INO80E: variants seen among roughly 807,000 people sequenced by gnomAD.
INO80E encodes INO80 complex subunit E.
INO80E carries 20 observed loss-of-function variants against 27.3 expected under a neutral mutation model. The observed-to-expected ratio is 0.73, with a 90% CI of 0.51 to 1.06. The LOEUF is 1.06. Ranked by LOEUF, INO80E falls within the 50% of genes least tolerant of loss-of-function variation. The pLI, the probability that INO80E is intolerant of heterozygous loss-of-function variation, is 0.00. For synonymous variants in INO80E, 167 were observed against 145.9 expected (o/e 1.14, Z -1.04); for missense variants, 357 against 322.8 (o/e 1.11, Z -0.81).
At chr16:30,001,312 C>G in intron 5 of INO80E, 102 bp from the exon 6 acceptor site, 1 of 1,504,448 alleles carries the variant, frequency 6.6e-7, no homozygotes, top group Non-Finnish European at 8.9e-7. Flanking sequence ...GCACTCATCA[C>G]CATCTCTTTT....
chr16:29,996,245 G>A lies in INO80E; in HGVS notation c.-66G>A, dbSNP rs538507892. On this transcript the variant is annotated 5_prime_UTR_variant, in exon 1 of 7. Coordinates refer to ENST00000563197, the MANE Select transcript of INO80E (RefSeq NM_173618.3). ...AGCGTCTCCGGAAGTGGAGGCGGGA[G>A]CGGCACGGCAGCCACTGCTTGGGGT... 4,291 of 1,461,264 alleles carry A rather than the reference G, an allele frequency of 2.9e-3. 13 individuals are homozygous for A. The highest frequency in any genetic ancestry group is 3.8e-3 in the Non-Finnish European group (4,068 of 1,066,994). 90.5% of individuals were successfully genotyped at this position (1,461,264 alleles called of 1,614,324 possible).
Position 30,005,414 on chromosome 16 carries a change from A to G in INO80E, c.707A>G (p.Asp236Gly). Residue 236 changes from aspartate to glycine, a missense_variant, in exon 7 of 7, where the codon GAT (aspartate) becomes GGT (glycine). By Grantham distance (94) the Asp-to-Gly change is moderately conservative (BLOSUM62 -1). Coordinates refer to ENST00000563197, the MANE Select transcript of INO80E (RefSeq NM_173618.3). ...GSGDDALDGD[D>G]DLVIDIPE ...GGGGACGATGCCTTGGATGGAGACG[A>G]TGACCTGGTGATCGACATCCCGGAG... is the stretch of plus-strand genomic sequence containing the variant. The G allele has an allele frequency of 6.2e-7, 1 of 1,602,680 alleles. No individual in the cohort carries two copies. The highest frequency in any genetic ancestry group is 8.5e-7 in the Non-Finnish European group (1 of 1,175,170).
Position 30,005,330 on chromosome 16 carries a change from TG to T in INO80E, c.624del (p.Met208IlefsTer7), listed in dbSNP as rs2070533374. ...CTGACCCCCCTCCCACCCCCTAAGA[TG>T]CCCCCCCCCACGATCCTGAGCACGG... The part of the protein sequence containing the change: ...TTLTPLPPPK[M>X]PPPTILSTVP... On this transcript the variant is annotated frameshift_variant, in exon 7 of 7. Transcript: ENST00000563197. LOFTEE classifies it high-confidence loss of function. 2.1e-5 allele frequency: 8 copies of T among 386,200 alleles called. No individual in the cohort carries two copies. The highest frequency in any genetic ancestry group is 7.9e-5 in the South Asian group (1 of 12,678). The allele number at this position is 386,200 out of a possible 1,614,324, so 23.9% of individuals were successfully genotyped here. A position where few individuals can be genotyped will look rare whatever the true frequency, so the allele number is the denominator to read the frequency against.
chr16:29,997,419 A>T (rs548455077), intron 3 of INO80E, among the ~76,000 whole-genome samples: 1 of 150,186 alleles, frequency 6.7e-6, no homozygotes, highest in East Asian at 1.9e-4. Flanking sequence ...CATATGAAAA[A>T]TTTTTCTTTA....
chr16:30,004,407 T>A (rs1256747296), intron 6 of INO80E: 1 of 152,830 alleles, frequency 6.5e-6, no homozygotes, highest in Non-Finnish European at 1.5e-5. Context: ...GCTGAAGGGT[T>A]GAGCAGGGCA....
Position 30,001,036 on chromosome 16 carries a change from G to A in INO80E, c.392G>A (p.Ser131Asn), listed in dbSNP as rs1400971621. 6.5e-7 allele frequency: 1 copy of A among 1,542,868 alleles called. No homozygotes were observed. Among genetic ancestry groups the A allele is most frequent in the East Asian group, 2.3e-5 (1 of 44,168 alleles). Residue 131 changes from serine (S) to asparagine (N), a missense_variant, in exon 5 of 7, where the codon AGC (serine) becomes AAC (asparagine). Transcript: ENST00000563197. ...QASGVPSPYL[S>N]SLASSRYPPF... Reference sequence around the variant, plus strand: ...TCCGGGGTCCCCTCCCCATACCTGAGCTCGGTGAGTTGGGGTCAGGGATGG... The same window carrying A: ...TCCGGGGTCCCCTCCCCATACCTGAACTCGGTGAGTTGGGGTCAGGGATGG...
At chr16:30,000,680 G>A (rs1024542411) in intron 3 of INO80E, 78 bp from the exon 4 acceptor site, 2 of 1,188,806 alleles carry the variant, frequency 1.7e-6, no homozygotes, top group Non-Finnish European at 2.5e-6. Context: ...GTGCCCTTCT[G>A]TAGTGTAGAG....
rs2070557273 is a variant in INO80E, at chr16:30,005,712, A to G, written c.*270A>G. 17 of 525,924 alleles carry G rather than the reference A, an allele frequency of 3.2e-5. No individual in the cohort carries two copies. In the South Asian group the frequency reaches 3.9e-4, roughly 12 times the overall value. The allele number at this position is 525,924 out of a possible 1,614,324, so 32.6% of individuals were successfully genotyped here. The stretch of plus-strand genomic sequence containing the variant: ...CTGCTGGGGAGGCAGAGACCCTGCA[A>G]TGGCCACCTCTTTAAAAGGGCAGCT... On this transcript the variant is annotated 3_prime_UTR_variant, in exon 7 of 7. Transcript: ENST00000563197.
At chr16:29,999,787 G>C (rs964921442) in intron 3 of INO80E, among the ~76,000 whole-genome samples, 1 of 152,236 alleles carries the variant, frequency 6.6e-6, no homozygotes, top group South Asian at 2.1e-4. Context: ...CAGGTAGTGG[G>C]TGATGTCATC....
chr16:30,000,828 C>T lies in INO80E; in HGVS notation c.276C>T (p.Ala92=), dbSNP rs1567268652. 1 of 1,614,102 alleles carries T rather than the reference C, an allele frequency of 6.2e-7. No homozygotes were observed. Among genetic ancestry groups the T allele is most frequent in the African/African-American group, 1.3e-5 (1 of 75,044 alleles). The change falls in exon 4 of 7, where the codon GCC becomes GCT. Residue 92 remains alanine (A), a synonymous_variant. Coordinates refer to ENST00000563197, the MANE Select transcript of INO80E (RefSeq NM_173618.3). ...CACCCAAGTTGTCTGACACACCGGC[C>T]CCTAAGAGGTGAGAAGAAGATGCAT... The part of the protein sequence containing the change: ...EGTPKLSDTP[A]PKRKRSPPLG...
Position 30,005,310 on chromosome 16 carries a change from C to T in INO80E, c.603C>T (p.Thr201=). 1.5e-6 allele frequency: 1 copy of T among 686,198 alleles called. No individual in the cohort carries two copies. Among genetic ancestry groups the T allele is most frequent in the Non-Finnish European group, 2.1e-6 (1 of 470,518 alleles). 42.5% of individuals were successfully genotyped at this position (686,198 alleles called of 1,614,324 possible). Residue 201 remains threonine, a synonymous_variant, in exon 7 of 7, where the codon ACC becomes ACT. Transcript: ENST00000563197. The part of the protein sequence containing the change: ...GSGAGVGTTL[T]PLPPPKMPPP... ...GGGCTGGGGTCGGGACAACCCTGAC[C>T]CCCCTCCCACCCCCTAAGATGCCCC...
At position 30,000,749 on chromosome 16, in the gene INO80E, C is replaced by T. The variant is rs778400812; in HGVS notation, c.206-9C>T. ...CCCCATCCCCACTGACCAGCTGTCC[C>T]CATCACAGACTCAGATGCCACTGCA... On this transcript the variant is annotated splice_polypyrimidine_tract_variant and intron_variant, in intron 3 of 6. Transcript: ENST00000563197. The T allele has an allele frequency of 1.2e-6, 2 of 1,613,392 alleles. No homozygotes were observed. The highest frequency in any genetic ancestry group is 1.7e-6 in the Non-Finnish European group (2 of 1,179,332).
Position 30,000,910 on chromosome 16 carries a change from C to T in INO80E, c.285-19C>T, listed in dbSNP as rs200387645. On this transcript the variant is annotated intron_variant, in intron 4 of 6. Coordinates refer to ENST00000563197, the MANE Select transcript of INO80E (RefSeq NM_173618.3). ...CTGGGCTCCTAGCCACATCTGACCT[C>T]GCCCTGTCCTTTCTCCAGGAAGAGA... is the stretch of plus-strand genomic sequence containing the variant. The T allele has an allele frequency of 3.1e-6, 5 of 1,607,576 alleles. No homozygotes were observed. The highest frequency in any genetic ancestry group is 3.3e-5 in the Admixed American group (2 of 59,760).
intron 3 of INO80E, 105 bp from the exon 4 acceptor site, chr16:30,000,653 C>A: frequency 1.1e-6 from 1 of 899,538 alleles, no homozygotes. Context: ...GCGTGAGCCC[C>A]CGCACCTGGT....
chr16:29,997,523 A>C (rs1168436092), intron 3 of INO80E, among the ~76,000 whole-genome samples: 1 of 151,892 alleles, frequency 6.6e-6, no homozygotes, highest in Non-Finnish European at 1.5e-5. Flanking sequence ...TGGGAGGCCG[A>C]GGTGGGCGGA....
chr16:29,996,896 G>A (rs1208827169), intron 3 of INO80E, 36 bp downstream of exon 3: 1 of 1,605,252 alleles, frequency 6.2e-7, no homozygotes, highest in Admixed American at 1.7e-5. Flanking sequence ...GGAGAGCATG[G>A]TTCCTGGTAC....
Position 30,005,331 on chromosome 16 carries a change from G to GCCCCCCCCCC in INO80E, c.633_634insCCCCCCCCCC (p.Thr212ProfsTer19). The GCCCCCCCCCC allele has an allele frequency of 1.9e-6, 2 of 1,071,840 alleles. No individual in the cohort carries two copies. Among genetic ancestry groups the GCCCCCCCCCC allele is most frequent in the East Asian group, 3.9e-5 (1 of 25,934 alleles). 66.4% of individuals were successfully genotyped at this position (1,071,840 alleles called of 1,614,324 possible). ...TGACCCCCCTCCCACCCCCTAAGAT[G>GCCCCCCCCCC]CCCCCCCCCACGATCCTGAGCACGG... On this transcript the variant is annotated frameshift_variant, in exon 7 of 7. Transcript: ENST00000563197. LOFTEE classifies it high-confidence loss of function.
At chr16:30,004,799 A>G in intron 6 of INO80E, 1 of 163,702 alleles carries the variant, frequency 6.1e-6, no homozygotes, top group Non-Finnish European at 1.3e-5. Flanking sequence ...CCCTCCACCG[A>G]ACCAGTGAGT....
chr16:30,001,191 GC>G, intron 5 of INO80E, 151 bp downstream of exon 5: 1 of 1,475,296 alleles, frequency 6.8e-7, no homozygotes, highest in Non-Finnish European at 9.0e-7. Flanking sequence ...AGTCGGGGCT[GC>G]CCCCTTCTCT....
Sources: allele counts gnomAD v4.1 joint callset (sites outside exome capture counted in the v4.1 genomes callset), GRCh38; gene constraint gnomAD v4.1.1; transcripts MANE v1.5; gene names NCBI Gene and HGNC (gene_info 2026-07-23, HGNC 2026-07-21).